Variants in TM7SF3 observed in about 807,000 individuals in gnomAD.
TM7SF3 encodes seven span transmembrane protein.
TM7SF3 carries 60 observed loss-of-function variants against 65.5 expected under a neutral mutation model. The ratio of observed to expected loss-of-function variants is 0.92; its 90% CI spans 0.74 to 1.14. TM7SF3 has a LOEUF of 1.14. Ranked by LOEUF, TM7SF3 falls within the 50% of genes most tolerant of loss-of-function variation. TM7SF3 has a pLI of 0.00. For missense variants in TM7SF3, 623 were observed against 684.8 expected, an observed-to-expected ratio of 0.91 and a Z score of 1.01; for synonymous variants, 264 against 259.6, an observed-to-expected ratio of 1.02 and a Z score of -0.16.
At chr12:26,990,038 C>G (rs905854705) in intron 6 of TM7SF3, among the ~76,000 whole-genome samples, 13 of 152,176 alleles carry the variant, frequency 8.5e-5, no homozygotes, top group African/African-American at 2.9e-4. Context: ...CAGACAGGCT[C>G]CCAGGTGCAG....
chr12:26,989,732 A>C (rs1940263420), intron 6 of TM7SF3, among the ~76,000 whole-genome samples: 1 of 151,910 alleles, frequency 6.6e-6, no homozygotes, highest in Non-Finnish European at 1.5e-5. Flanking sequence ...TAACCTAGTT[A>C]TCTCTCCCCT....
intron 6 of TM7SF3, among the ~76,000 whole-genome samples, chr12:26,988,697 TG>T (rs1354239433): frequency 3.9e-5 from 6 of 151,940 alleles, no homozygotes; most frequent in Non-Finnish European, 7.4e-5. Flanking sequence ...TGTGTGTGTG[TG>T]TGTGTGTGTG....
At chr12:26,999,787 A>G in intron 2 of TM7SF3, 111 bp from the exon 3 acceptor site, 1 of 1,132,822 alleles carries the variant, frequency 8.8e-7, no homozygotes, top group Non-Finnish European at 1.2e-6. Flanking sequence ...CAAATAGAAA[A>G]AAAAAACCTT....
Position 26,996,864 on chromosome 12 carries a change from T to G in TM7SF3, c.398-2A>C, listed in dbSNP as rs1201963489. ...AATTACAGCCTCCAGGGACAGGATC[T>G]GGATAAGAAATAGGGAAGTTACTAA... On this transcript the variant is annotated splice_acceptor_variant, in intron 3 of 11. Coordinates refer to ENST00000343028, the MANE Select transcript of TM7SF3 (RefSeq NM_016551.3). LOFTEE classifies it high-confidence loss of function. 2 of 1,604,186 alleles carry G rather than the reference T, an allele frequency of 1.2e-6. No individual in the cohort carries two copies. Among genetic ancestry groups the G allele is most frequent in the Admixed American group, 1.8e-5 (1 of 56,958 alleles).
chr12:26,971,985 T>C lies in TM7SF3; in HGVS notation c.*1980A>G, dbSNP rs1213002585. Reference sequence around the variant, plus strand: ...GAAACTTCAAAAATCTATTGTACTTTGAAAAAACTTTAAAAAGCAGCATCA... The same window carrying C: ...GAAACTTCAAAAATCTATTGTACTTCGAAAAAACTTTAAAAAGCAGCATCA... On this transcript the variant is annotated 3_prime_UTR_variant, in exon 12 of 12. Transcript: ENST00000343028. The C allele has an allele frequency of 6.6e-6, 1 of 152,204 alleles. No individual in the cohort carries two copies. The highest frequency in any genetic ancestry group is 2.4e-5 in the African/African-American group (1 of 41,448). The allele number at this position is 152,204 out of a possible 1,614,324, so 9.4% of individuals were successfully genotyped here.
Position 26,990,472 on chromosome 12 carries a change from T to C in TM7SF3, c.846A>G (p.Gly282=), listed in dbSNP as rs1434729220. 1.1e-5 allele frequency: 17 copies of C among 1,613,932 alleles called. No individual in the cohort carries two copies. The highest frequency in any genetic ancestry group is 1.4e-5 in the Non-Finnish European group (17 of 1,179,856). ...AHTYACSFEA[G]EGSCASLGRV... is the part of the protein sequence containing the mutation. ...CACCTAGGGAAGCACAACTACCCTCTCCTGCCTCAAAGCTGCAAGCGTATG... is the reference window on the plus strand; with the variant it reads ...CACCTAGGGAAGCACAACTACCCTCCCCTGCCTCAAAGCTGCAAGCGTATG... The change falls in exon 6 of 12, where the codon GGA becomes GGG. Residue 282 remains glycine (G), a synonymous_variant. Coordinates refer to ENST00000343028, the MANE Select transcript of TM7SF3 (RefSeq NM_016551.3).
intron 5 of TM7SF3, among the ~76,000 whole-genome samples, chr12:26,992,163 A>G (rs1940394880): frequency 6.6e-6 from 1 of 152,164 alleles, no homozygotes; most frequent in African/African-American, 2.4e-5. Flanking sequence ...AATGTACCTC[A>G]CCCACCAAAC....
intron 9 of TM7SF3, 62 bp from the exon 10 acceptor site, chr12:26,976,419 TG>T (rs1939568412): frequency 9.0e-7 from 1 of 1,115,168 alleles, no homozygotes; most frequent in Non-Finnish European, 1.4e-6. Context: ...GTTGGTTTCT[TG>T]GAACATCTGA....
At chr12:26,991,141 CTTTTTTTTTTTTTTT>C (rs35362439) in intron 5 of TM7SF3, among the ~76,000 whole-genome samples, 1 of 107,484 alleles carries the variant, frequency 9.3e-6, no homozygotes, top group Admixed American at 1.0e-4. Flanking sequence ...AGTAGTAGTT[CTTTTTTTTTTTTTTT>C]TTTTTTTGAG....
intron 5 of TM7SF3, among the ~76,000 whole-genome samples, chr12:26,992,470 G>A (rs550051751): frequency 6.6e-6 from 1 of 152,244 alleles, no homozygotes; most frequent in Admixed American, 6.5e-5. Flanking sequence ...ATTTTTAGTA[G>A]AGACAGGGTT....
intron 5 of TM7SF3, 142 bp downstream of exon 5, chr12:26,995,095 G>T: frequency 2.5e-6 from 2 of 814,020 alleles, no homozygotes; most frequent in Non-Finnish European, 3.8e-6. Context: ...AGACTCCCAA[G>T]ATGATAACAA....
At chr12:26,980,065 G>A in intron 8 of TM7SF3, 129 bp from the exon 9 acceptor site, 2 of 1,119,116 alleles carry the variant, frequency 1.8e-6, no homozygotes, top group Non-Finnish European at 1.3e-6. Context: ...GCTCTTCAGT[G>A]GTGCCATGAA....
chr12:26,986,440 A>G (rs960089253), intron 6 of TM7SF3, among the ~76,000 whole-genome samples: 2 of 151,808 alleles, frequency 1.3e-5, no homozygotes, highest in Admixed American at 6.6e-5. Context: ...CTTGGCTACA[A>G]ATTCCCAGTA....
At chr12:27,005,484 T>C (rs1940995962) in intron 1 of TM7SF3, among the ~76,000 whole-genome samples, 1 of 152,196 alleles carries the variant, frequency 6.6e-6, no homozygotes, top group Non-Finnish European at 1.5e-5. Flanking sequence ...TAGAAAATGT[T>C]CTAATAATCC....
chr12:26,982,383 C>T (rs1328387859), intron 7 of TM7SF3, among the ~76,000 whole-genome samples: 1 of 152,100 alleles, frequency 6.6e-6, no homozygotes, highest in African/African-American at 2.4e-5. Context: ...CACTATGTTG[C>T]CTAGACTTGT....
At position 26,995,311 on chromosome 12, in the gene TM7SF3, G is replaced by A. The variant is rs771428611; in HGVS notation, c.616C>T (p.Leu206Phe). 6.2e-7 allele frequency: 1 copy of A among 1,614,134 alleles called. No homozygotes were observed. The highest frequency in any genetic ancestry group is 1.7e-5 in the Admixed American group (1 of 59,998). ...TGCTTCAGCAACATCTCCTCAGTGA[G>A]GTCATTCTCAGGCAGAAAATACTGA... ...VYQYFLPEND[L>F]TEEMLLKHLQ... is the part of the protein sequence containing the mutation. The change falls in exon 5 of 12, where the codon CTC (leucine) becomes TTC (phenylalanine). Residue 206 changes from leucine to phenylalanine, a missense_variant. By Grantham distance (22) the Leu-to-Phe change is conservative (BLOSUM62 0). Transcript: ENST00000343028.
chr12:26,983,533 T>A (rs1022318564), intron 6 of TM7SF3: 1 of 454,610 alleles, frequency 2.2e-6, no homozygotes, highest in East Asian at 6.9e-5. Context: ...GGATTTGCTT[T>A]AAAATAATCC....
intron 6 of TM7SF3, among the ~76,000 whole-genome samples, chr12:26,985,652 AATATATATATATAT>A (rs71069288): frequency 2.6e-5 from 1 of 39,116 alleles, no homozygotes; most frequent in Admixed American, 4.6e-4. Context: ...AAAAAAAAAA[AATATATATATATAT>A]ATATATATAT....
chr12:26,982,236 G>A (rs374788334), intron 7 of TM7SF3, among the ~76,000 whole-genome samples: 2 of 152,100 alleles, frequency 1.3e-5, no homozygotes, highest in South Asian at 2.1e-4. Context: ...GGGTCTCACC[G>A]AGTTACCCAG....
Sources: gnomAD v4.1 joint callset for allele counts (sites outside exome capture counted in the v4.1 genomes callset) on GRCh38, gnomAD v4.1.1 for gene constraint, MANE v1.5 for transcripts, NCBI Gene and HGNC (gene_info 2026-07-23, HGNC 2026-07-21) for gene names.